RNGTT: variants seen among roughly 807,000 people sequenced by gnomAD.
RNGTT encodes the protein mRNA-capping enzyme.
A neutral mutation model predicts 79.3 loss-of-function variants in RNGTT; 33 were observed. The observed-to-expected ratio is 0.42, with a 90% CI of 0.32 to 0.56. RNGTT has a LOEUF of 0.56. Among genes scored for constraint, RNGTT ranks in the 20% least tolerant of loss-of-function variants. The pLI is 0.17. For missense variants in RNGTT, 497 were observed against 739.1 expected, an observed-to-expected ratio of 0.67 and a Z score of 3.80; for synonymous variants, 222 against 235.9, an observed-to-expected ratio of 0.94 and a Z score of 0.54.
intron 13 of RNGTT, among the ~76,000 whole-genome samples, chr6:88,767,991 TA>T (rs1432447339): frequency 6.6e-6 from 1 of 152,168 alleles, no homozygotes; most frequent in Non-Finnish European, 1.5e-5. Flanking sequence ...GTATTCCAGC[TA>T]TTCCTATAGC....
intron 13 of RNGTT, among the ~76,000 whole-genome samples, chr6:88,738,991 T>C (rs914519908): frequency 6.6e-6 from 1 of 152,108 alleles, no homozygotes; most frequent in Non-Finnish European, 1.5e-5. Flanking sequence ...AATTATTCCT[T>C]ACTTTAGAAA....
At chr6:88,656,475 AT>A (rs1465867875) in intron 14 of RNGTT, among the ~76,000 whole-genome samples, 1 of 152,146 alleles carries the variant, frequency 6.6e-6, no homozygotes, top group Non-Finnish European at 1.5e-5. Flanking sequence ...TGAAAACTTA[AT>A]TTTTTATGAA....
At chr6:88,628,315 C>T (rs1283202253) in intron 14 of RNGTT, among the ~76,000 whole-genome samples, 4 of 152,114 alleles carry the variant, frequency 2.6e-5, no homozygotes, top group Non-Finnish European at 5.9e-5. Context: ...ACCACAATAA[C>T]TTCTCTCTGA....
chr6:88,689,127 T>C (rs371288904), intron 13 of RNGTT, among the ~76,000 whole-genome samples: 2 of 152,134 alleles, frequency 1.3e-5, no homozygotes, highest in African/African-American at 4.8e-5. Context: ...GCATTGTTCA[T>C]GGGTCATCTT....
At chr6:88,780,829 T>C (rs1779038672) in intron 12 of RNGTT, among the ~76,000 whole-genome samples, 1 of 152,152 alleles carries the variant, frequency 6.6e-6, no homozygotes, top group Non-Finnish European at 1.5e-5. Flanking sequence ...GAGAAGTCTG[T>C]AAAACTAAGG....
At chr6:88,798,105 T>C (rs546656246) in intron 12 of RNGTT, among the ~76,000 whole-genome samples, 123 of 152,136 alleles carry the variant, frequency 8.1e-4, no homozygotes, top group Non-Finnish European at 1.4e-3. Flanking sequence ...TACCATGGAT[T>C]ATGTGCAACT....
At chr6:88,729,327 C>G (rs1777028800) in intron 13 of RNGTT, among the ~76,000 whole-genome samples, 1 of 150,210 alleles carries the variant, frequency 6.7e-6, no homozygotes, top group African/African-American at 2.5e-5. Context: ...ACTAAAGTGG[C>G]ACTTATGCTT....
At chr6:88,950,006 G>A (rs987708435) in intron 1 of RNGTT, among the ~76,000 whole-genome samples, 1 of 152,184 alleles carries the variant, frequency 6.6e-6, no homozygotes, top group African/African-American at 2.4e-5. Context: ...CTTGTTAGGA[G>A]CTGGTAACTT....
chr6:88,754,455 T>A (rs1389448163), intron 13 of RNGTT, among the ~76,000 whole-genome samples: 1 of 152,076 alleles, frequency 6.6e-6, no homozygotes, highest in Non-Finnish European at 1.5e-5. Flanking sequence ...TCCACCAAGA[T>A]AAAGAACACA....
At chr6:88,631,340 T>C (rs1204609952) in intron 14 of RNGTT, among the ~76,000 whole-genome samples, 5 of 152,204 alleles carry the variant, frequency 3.3e-5, no homozygotes, top group Admixed American at 1.3e-4. Flanking sequence ...ACTTTTTATA[T>C]GGCTGGATTG....
chr6:88,652,252 T>A (rs1773824587), intron 14 of RNGTT, among the ~76,000 whole-genome samples: 1 of 152,176 alleles, frequency 6.6e-6, no homozygotes, highest in African/African-American at 2.4e-5. Context: ...TGACTTCTAT[T>A]TTCAATGTTA....
chr6:88,837,987 A>T (rs1781138044), intron 11 of RNGTT, among the ~76,000 whole-genome samples: 1 of 152,182 alleles, frequency 6.6e-6, no homozygotes. Context: ...AAGTAAAAAT[A>T]TCACTATTTA....
At chr6:88,889,416 T>G (rs940887940) in intron 8 of RNGTT, among the ~76,000 whole-genome samples, 1 of 152,188 alleles carries the variant, frequency 6.6e-6, no homozygotes, top group Non-Finnish European at 1.5e-5. Context: ...TTTCTCCATA[T>G]ATATCTTTTA....
intron 4 of RNGTT, among the ~76,000 whole-genome samples, chr6:88,917,093 T>C (rs1266041423): frequency 1.3e-5 from 2 of 152,220 alleles, no homozygotes; most frequent in African/African-American, 2.4e-5. Context: ...CTATTAAATA[T>C]ATCTTTCTAA....
chr6:88,843,957 T>TAG (rs34862439), intron 11 of RNGTT, among the ~76,000 whole-genome samples: 4,952 of 150,752 alleles, frequency 0.033, 104 homozygotes, highest in Middle Eastern at 0.092. Flanking sequence ...TCTGTATATA[T>TAG]ATATACATAC....
At chr6:88,787,619 A>G (rs1251363954) in intron 12 of RNGTT, among the ~76,000 whole-genome samples, 1 of 152,080 alleles carries the variant, frequency 6.6e-6, no homozygotes, top group Admixed American at 6.5e-5. Flanking sequence ...AGATCGCGTC[A>G]CTGCACTCCA....
At chr6:88,949,933 G>C (rs1785185481) in intron 1 of RNGTT, among the ~76,000 whole-genome samples, 1 of 152,216 alleles carries the variant, frequency 6.6e-6, no homozygotes, top group Admixed American at 6.5e-5. Context: ...TGGTATCTAG[G>C]ACTTTCATAG....
At chr6:88,713,315 T>C (rs1366192120) in intron 13 of RNGTT, among the ~76,000 whole-genome samples, 2 of 152,186 alleles carry the variant, frequency 1.3e-5, no homozygotes, top group Non-Finnish European at 2.9e-5. Flanking sequence ...AATTTTGAAC[T>C]TCCCATCCTC....
At chr6:88,665,219 G>T (rs1439103328) in intron 14 of RNGTT, among the ~76,000 whole-genome samples, 2 of 152,102 alleles carry the variant, frequency 1.3e-5, no homozygotes, top group Non-Finnish European at 2.9e-5. Context: ...TGGCCCAGTG[G>T]TGGCCAAAAG....
Sources: gnomAD v4.1 joint callset for allele counts (sites outside exome capture counted in the v4.1 genomes callset) on GRCh38, gnomAD v4.1.1 for gene constraint, MANE v1.5 for transcripts, NCBI Gene and HGNC (gene_info 2026-07-23, HGNC 2026-07-21) for gene names.